Variants in ROBO2 observed in about 807,000 individuals in gnomAD.
ROBO2 encodes roundabout guidance receptor 2.
In ROBO2, 53 loss-of-function variants were observed where a neutral mutation model predicts 160.8. That is an observed-to-expected ratio of 0.33 (90% CI 0.26 to 0.41). The LOEUF (loss-of-function observed/expected upper bound fraction) is 0.41. Ranked by LOEUF, ROBO2 falls within the 10% of genes least tolerant of loss-of-function variation. The pLI is 1.00. For missense variants in ROBO2, 1,577 were observed against 1,722.4 expected (o/e 0.92, Z 1.49); for synonymous variants, 664 against 611.7 (o/e 1.09, Z -1.26).
At chr3:76,417,955 C>T (rs1374004286) in intron 2 of ROBO2, among the ~76,000 whole-genome samples, 1 of 151,870 alleles carries the variant, frequency 6.6e-6, no homozygotes, top group Non-Finnish European at 1.5e-5. Context: ...GCAAAAACCA[C>T]AATAACTTTT....
At chr3:77,600,875 A>C (rs989384621) in intron 19 of ROBO2, among the ~76,000 whole-genome samples, 1 of 152,212 alleles carries the variant, frequency 6.6e-6, no homozygotes, top group African/African-American at 2.4e-5. Context: ...TTTAAAAATA[A>C]TGTTATTTGC....
intron 2 of ROBO2, among the ~76,000 whole-genome samples, chr3:77,240,061 A>T (rs2151358997): frequency 6.6e-6 from 1 of 152,280 alleles, no homozygotes; most frequent in Admixed American, 6.5e-5. Context: ...CCATAGGCGG[A>T]GCTGCCAGCC....
At chr3:76,491,532 G>A (rs1245381385) in intron 2 of ROBO2, among the ~76,000 whole-genome samples, 4 of 152,122 alleles carry the variant, frequency 2.6e-5, no homozygotes, top group Admixed American at 2.0e-4. Flanking sequence ...GAAATGTGCT[G>A]CCTGGCATAT....
chr3:77,556,671 T>A (rs953775305), intron 8 of ROBO2, among the ~76,000 whole-genome samples: 1 of 151,988 alleles, frequency 6.6e-6, no homozygotes, highest in African/African-American at 2.4e-5. Context: ...TTAAGCAAAC[T>A]GTTTTCAATT....
intron 2 of ROBO2, among the ~76,000 whole-genome samples, chr3:76,542,057 TC>T (rs764064229): frequency 2.0e-5 from 3 of 152,168 alleles, no homozygotes; most frequent in African/African-American, 4.8e-5. Flanking sequence ...CAGTACTTCA[TC>T]CCCATTTGTC....
chr3:76,221,653 A>C (rs141766663), intron 2 of ROBO2, among the ~76,000 whole-genome samples: 2,766 of 152,298 alleles, frequency 0.018, 39 homozygotes, highest in Non-Finnish European at 0.029. Context: ...ACTGTAACTG[A>C]ATTCAAAAGA....
At chr3:76,364,867 A>G (rs977385712) in intron 2 of ROBO2, among the ~76,000 whole-genome samples, 3 of 152,056 alleles carry the variant, frequency 2.0e-5, no homozygotes, top group African/African-American at 7.2e-5. Context: ...AGGGAGGGCA[A>G]CCTACGGTGT....
At chr3:76,125,750 A>G (rs1418126024) in intron 2 of ROBO2, among the ~76,000 whole-genome samples, 2 of 152,004 alleles carry the variant, frequency 1.3e-5, no homozygotes, top group African/African-American at 2.4e-5. Flanking sequence ...TCTCCCTCAT[A>G]AGCTTAGGTG....
intron 2 of ROBO2, among the ~76,000 whole-genome samples, chr3:76,570,573 T>A (rs982694144): frequency 4.6e-5 from 7 of 152,210 alleles, no homozygotes; most frequent in Non-Finnish European, 7.4e-5. Flanking sequence ...AAAAGCTTTT[T>A]AAGGAATTTT....
At chr3:76,143,758 T>G (rs1186904593) in intron 2 of ROBO2, among the ~76,000 whole-genome samples, 2 of 152,036 alleles carry the variant, frequency 1.3e-5, no homozygotes, top group African/African-American at 4.8e-5. Flanking sequence ...TTTAAAGGAC[T>G]GGGTCACACA....
intron 2 of ROBO2, among the ~76,000 whole-genome samples, chr3:76,592,342 T>G (rs2086466395): frequency 6.6e-6 from 1 of 152,092 alleles, no homozygotes; most frequent in African/African-American, 2.4e-5. Flanking sequence ...AGAGCAACCT[T>G]GATCTAACCA....
intron 2 of ROBO2, among the ~76,000 whole-genome samples, chr3:76,664,422 A>G (rs944035052): frequency 1.5e-4 from 23 of 152,212 alleles, no homozygotes; most frequent in African/African-American, 5.3e-4. Context: ...AGGAAATATC[A>G]TTTAGAAGGA....
At chr3:77,024,775 C>T (rs1043919344) in intron 2 of ROBO2, among the ~76,000 whole-genome samples, 2 of 152,086 alleles carry the variant, frequency 1.3e-5, no homozygotes, top group Non-Finnish European at 2.9e-5. Flanking sequence ...TGACCATTCT[C>T]GAGCATTTTC....
chr3:76,216,291 A>G (rs1248291512), intron 2 of ROBO2, among the ~76,000 whole-genome samples: 1 of 152,236 alleles, frequency 6.6e-6, no homozygotes, highest in Non-Finnish European at 1.5e-5. Flanking sequence ...TAATGAGAGG[A>G]TAAAATTCAC....
At position 76,162,106 on chromosome 3, in the gene ROBO2, A is replaced by G. The variant is rs556000099; in HGVS notation, c.109+224504A>G. Among the ~76,000 whole-genome samples, 856 of 152,298 alleles carry G rather than the reference A, an allele frequency of 5.6e-3. 5 individuals carry two copies. Among genetic ancestry groups the G allele is most frequent in the Non-Finnish European group, 9.3e-3 (631 of 68,018 alleles). ...TAACTACTTTGGACATAAGTTATGC[A>G]GAGAGATTTTGGCATAATTTATTTC... On this transcript the variant is annotated intron_variant, in intron 2 of 26. Transcript: ENST00000487694.
At chr3:76,506,119 A>G (rs189583636) in intron 2 of ROBO2, among the ~76,000 whole-genome samples, 4 of 152,302 alleles carry the variant, frequency 2.6e-5, no homozygotes, top group South Asian at 2.1e-4. Flanking sequence ...GTCTAGTTCA[A>G]CAGCCCTCGG....
intron 2 of ROBO2, among the ~76,000 whole-genome samples, chr3:76,940,786 A>G (rs2078137187): frequency 1.3e-5 from 2 of 152,250 alleles, no homozygotes; most frequent in South Asian, 2.1e-4. Flanking sequence ...ATCCCATTGT[A>G]TCACATAAGT....
chr3:77,605,106 A>T (rs2094500382), intron 20 of ROBO2, among the ~76,000 whole-genome samples: 2 of 151,070 alleles, frequency 1.3e-5, no homozygotes, highest in South Asian at 2.1e-4. Context: ...TTGAGCCTGC[A>T]GTGGATGTGA....
At chr3:77,448,876 C>T (rs2080849857) in intron 2 of ROBO2, among the ~76,000 whole-genome samples, 1 of 150,872 alleles carries the variant, frequency 6.6e-6, no homozygotes, top group Non-Finnish European at 1.5e-5. Context: ...ATGCACAACT[C>T]TATGTGAAAA....
Sources: gnomAD v4.1 joint callset for allele counts (sites outside exome capture counted in the v4.1 genomes callset) on GRCh38, gnomAD v4.1.1 for gene constraint, MANE v1.5 for transcripts, NCBI Gene and HGNC (gene_info 2026-07-23, HGNC 2026-07-21) for gene names.